Variants in STK3 observed in about 807,000 individuals in gnomAD.
The protein encoded by STK3 is serine/threonine-protein kinase 3.
STK3 carries 41 observed loss-of-function variants against 58.0 expected under a neutral mutation model. That is an observed-to-expected ratio of 0.71 (90% CI 0.55 to 0.92). The LOEUF is 0.92. Among genes scored for constraint, STK3 ranks in the 40% least tolerant of loss-of-function variants. The pLI, the probability that STK3 is intolerant of heterozygous loss-of-function variation, is 0.00. For synonymous variants in STK3, 170 were observed against 191.0 expected (o/e 0.89, Z 0.91); for missense variants, 479 against 602.7 (o/e 0.79, Z 2.15).
At chr8:98,848,592 G>A (rs555571525) in intron 3 of STK3, among the ~76,000 whole-genome samples, 2 of 152,226 alleles carry the variant, frequency 1.3e-5, no homozygotes, top group East Asian at 3.9e-4. Flanking sequence ...CATATGAATG[G>A]AATCATATAA....
chr8:98,661,606 T>C (rs1676383946), intron 6 of STK3, among the ~76,000 whole-genome samples: 1 of 152,080 alleles, frequency 6.6e-6, no homozygotes, highest in South Asian at 2.1e-4. Flanking sequence ...AATTTTCAAG[T>C]GGCCTCCCAT....
rs1162274421 is a variant in STK3 at position 98,683,127 on chromosome 8, G to A, written c.684+23340C>T. 2.0e-5 allele frequency among the ~76,000 whole-genome samples: 3 copies of A among 151,810 alleles called. No individual in the cohort carries two copies. In the East Asian group the frequency reaches 5.8e-4, roughly 29 times the overall value. On this transcript the variant is annotated intron_variant, in intron 6 of 10. Transcript: ENST00000419617. ...GCCAAAATTAAGGGTGCCCACTACTGATTTTTCTGATCTCTAATAAGGAAC... is the reference window on the plus strand; with the variant it reads ...GCCAAAATTAAGGGTGCCCACTACTAATTTTTCTGATCTCTAATAAGGAAC...
At chr8:98,769,054 A>G (rs1266997781) in intron 2 of STK3, among the ~76,000 whole-genome samples, 1 of 152,224 alleles carries the variant, frequency 6.6e-6, no homozygotes, top group East Asian at 1.9e-4. Context: ...TGAACTTTGC[A>G]TCCCTGGCCC....
At chr8:98,709,995 A>C (rs912194912) in intron 4 of STK3, among the ~76,000 whole-genome samples, 1 of 152,106 alleles carries the variant, frequency 6.6e-6, no homozygotes, top group African/African-American at 2.4e-5. Context: ...TGTTACATAT[A>C]GTACTGGAGG....
At chr8:98,797,728 A>G (rs924047768) in intron 1 of STK3, among the ~76,000 whole-genome samples, 8 of 152,218 alleles carry the variant, frequency 5.3e-5, no homozygotes, top group African/African-American at 1.9e-4. Flanking sequence ...CAGTTTTTCT[A>G]GTAGAAATTG....
chr8:98,751,605 A>T (rs1231802683), intron 3 of STK3, among the ~76,000 whole-genome samples: 2 of 152,218 alleles, frequency 1.3e-5, no homozygotes, highest in Admixed American at 1.3e-4. Context: ...GAAATCAGAG[A>T]TGACATAAAG....
At chr8:98,424,595 G>A (rs1258291421) in intron 3 of STK3, among the ~76,000 whole-genome samples, 1 of 152,176 alleles carries the variant, frequency 6.6e-6, no homozygotes, top group African/African-American at 2.4e-5. Flanking sequence ...AAAACAGAAG[G>A]CAGAGGGCTC....
chr8:98,910,064 T>C (rs933317676), intron 1 of STK3, among the ~76,000 whole-genome samples: 2 of 152,242 alleles, frequency 1.3e-5, no homozygotes, highest in African/African-American at 2.4e-5. Flanking sequence ...TAGTATCTTA[T>C]TGTAGTTTTG....
chr8:98,901,336 G>A (rs1838649501), intron 1 of STK3, among the ~76,000 whole-genome samples: 1 of 152,210 alleles, frequency 6.6e-6, no homozygotes, highest in Admixed American at 6.5e-5. Context: ...ATTAACTCTA[G>A]CTATTCTTAA....
At chr8:98,609,609 A>G (rs903087965) in intron 6 of STK3, among the ~76,000 whole-genome samples, 7 of 152,216 alleles carry the variant, frequency 4.6e-5, no homozygotes, top group Admixed American at 2.0e-4. Flanking sequence ...AGATTGAAAA[A>G]TAAAGCTGAT....
At chr8:98,421,597 G>T (rs13278794) in intron 3 of STK3, among the ~76,000 whole-genome samples, 21,949 of 152,052 alleles carry the variant, frequency 0.14, 2,649 homozygotes, top group East Asian at 0.42. Context: ...CTAACATGGT[G>T]AAACCTTGTC....
chr8:98,693,313 G>A (rs1824554097), intron 6 of STK3, among the ~76,000 whole-genome samples: 1 of 152,090 alleles, frequency 6.6e-6, no homozygotes, highest in African/African-American at 2.4e-5. Context: ...CGGGAGGATT[G>A]CTTGAGCCCA....
At chr8:98,701,661 T>C (rs1563908449) in intron 6 of STK3, among the ~76,000 whole-genome samples, 1 of 150,298 alleles carries the variant, frequency 6.7e-6, no homozygotes, top group South Asian at 2.1e-4. Flanking sequence ...TACACACACA[T>C]ATATATACAC....
chr8:98,545,237 T>C (rs377699477), intron 9 of STK3, among the ~76,000 whole-genome samples: 1 of 152,168 alleles, frequency 6.6e-6, no homozygotes, highest in Non-Finnish European at 1.5e-5. Flanking sequence ...GGATAAAACA[T>C]AATCCATAAG....
At chr8:98,432,297 G>A (rs903899886) in intron 3 of STK3, 14 of 167,062 alleles carry the variant, frequency 8.4e-5, no homozygotes, top group South Asian at 2.1e-4. Context: ...TTCCAGCTGT[G>A]AGCTTGAGAG....
intron 3 of STK3, among the ~76,000 whole-genome samples, chr8:98,752,265 A>T (rs1019676228): frequency 6.6e-6 from 1 of 152,200 alleles, no homozygotes; most frequent in African/African-American, 2.4e-5. Flanking sequence ...GACAAATGAA[A>T]CAGAATAAAG....
chr8:98,868,902 GGGAGGTCAAGCCT>G (rs1363801217), intron 3 of STK3, among the ~76,000 whole-genome samples: 1 of 151,884 alleles, frequency 6.6e-6, no homozygotes, highest in Non-Finnish European at 1.5e-5. Context: ...GCTTGAGCCT[GGGAGGTCAAGCCT>G]GTAGTGAGCT....
intron 10 of STK3, among the ~76,000 whole-genome samples, chr8:98,488,365 G>A (rs575455936): frequency 6.6e-6 from 1 of 152,302 alleles, no homozygotes; most frequent in African/African-American, 2.4e-5. Flanking sequence ...TTCAGATGCA[G>A]TTTTATAACT....
At chr8:98,856,817 T>A (rs955868686) in intron 3 of STK3, among the ~76,000 whole-genome samples, 1 of 152,202 alleles carries the variant, frequency 6.6e-6, no homozygotes, top group African/African-American at 2.4e-5. Context: ...GTCCATCAAC[T>A]AATGAACAGA....
Sources: allele counts gnomAD v4.1 joint callset (sites outside exome capture counted in the v4.1 genomes callset), GRCh38; gene constraint gnomAD v4.1.1; transcripts MANE v1.5; gene names NCBI Gene and HGNC (gene_info 2026-07-23, HGNC 2026-07-21).